Variants in CPNE9 observed in about 807,000 individuals in gnomAD.
CPNE9 encodes copine family member 9, also known as copine-9.
CPNE9 carries 59 observed loss-of-function variants against 83.0 expected under a neutral mutation model. The ratio of observed to expected loss-of-function variants is 0.71; its 90% CI spans 0.58 to 0.88. The LOEUF (loss-of-function observed/expected upper bound fraction) is 0.88, where lower values mean the gene tolerates loss of function less well. Among genes scored for constraint, CPNE9 ranks in the 40% least tolerant of loss-of-function variants. CPNE9 has a pLI of 0.00. For synonymous variants in CPNE9, 256 were observed against 273.4 expected (o/e 0.94, Z 0.63); for missense variants, 619 against 720.8 (o/e 0.86, Z 1.62).
intron 10 of CPNE9, among the ~76,000 whole-genome samples, chr3:9,713,915 CA>C (rs909858506): frequency 2.0e-5 from 3 of 151,286 alleles, no homozygotes; most frequent in African/African-American, 7.3e-5. Flanking sequence ...ACTAAAAATA[CA>C]AAAAAAATTA....
chr3:9,722,166 C>CCG (rs1462596591), intron 17 of CPNE9, among the ~76,000 whole-genome samples: 5 of 151,740 alleles, frequency 3.3e-5, no homozygotes, highest in Non-Finnish European at 5.9e-5. Context: ...ATCCACCCCC[C>CCG]CCCGCCACCC....
chr3:9,708,689 GT>G (rs1181001209), intron 7 of CPNE9, among the ~76,000 whole-genome samples: 6 of 150,448 alleles, frequency 4.0e-5, no homozygotes, highest in Non-Finnish European at 8.8e-5. Flanking sequence ...CTGGAGTGCA[GT>G]GGGGAGATCT....
At chr3:9,722,114 G>C (rs1433685149) in intron 17 of CPNE9, among the ~76,000 whole-genome samples, 2 of 150,962 alleles carry the variant, frequency 1.3e-5, no homozygotes, top group African/African-American at 2.4e-5. Flanking sequence ...ACGGAATTTC[G>C]CCATGTTGGC....
rs201005471 is a variant in CPNE9 at position 9,715,307 on chromosome 3, G to A, written c.711G>A (p.Glu237=). 1.9e-6 allele frequency: 3 copies of A among 1,614,190 alleles called. No individual in the cohort carries two copies. Among genetic ancestry groups the A allele is most frequent in the East Asian group, 2.2e-5 (1 of 44,894 alleles). Residue 237 remains glutamate (E), a synonymous_variant, in exon 12 of 21, where the codon GAG becomes GAA. Transcript: ENST00000383832. ...DRDGSHDFIG[E]FTTSYRELSK... is the part of the protein sequence containing the mutation. ...ATTGCAGCCACGATTTCATTGGTGA[G>A]TTCACCACCAGCTACCGGGAGCTGA...
chr3:9,728,560 T>C (rs1410483410), intron 20 of CPNE9, among the ~76,000 whole-genome samples: 1 of 151,910 alleles, frequency 6.6e-6, no homozygotes, highest in East Asian at 1.9e-4. Context: ...GAGGCAGAGA[T>C]TGCAGTGAGC....
intron 16 of CPNE9, 22 bp from the exon 17 acceptor site, chr3:9,718,453 G>T (rs775578553): frequency 6.2e-7 from 1 of 1,607,424 alleles, no homozygotes; most frequent in East Asian, 2.2e-5. Context: ...GGCTCAGCCT[G>T]GCAGGGCATA....
chr3:9,728,509 G>A (rs1434907399), intron 20 of CPNE9, among the ~76,000 whole-genome samples: 1 of 152,104 alleles, frequency 6.6e-6, no homozygotes, highest in East Asian at 1.9e-4. Flanking sequence ...TGTAATCCCA[G>A]CTACTTGGGA....
chr3:9,722,164 C>CA (rs879324311), intron 17 of CPNE9, among the ~76,000 whole-genome samples: 6 of 151,222 alleles, frequency 4.0e-5, no homozygotes, highest in African/African-American at 1.2e-4. Flanking sequence ...TGATCCACCC[C>CA]CCCCCGCCAC....
In CPNE9 at chr3:9,716,015, T is replaced by C. The variant is rs1449954344; in HGVS notation, c.864T>C (p.Phe288=). 1.2e-6 allele frequency: 2 copies of C among 1,610,984 alleles called. No homozygotes were observed. The highest frequency in any genetic ancestry group is 2.2e-5 in the East Asian group (1 of 44,880). Reference sequence around the variant, plus strand: ...TCTCTGTGGACTCTGAATTCACTTTTGTTGATTACATCAAGGGAGGGTGAG... The same window carrying C: ...TCTCTGTGGACTCTGAATTCACTTTCGTTGATTACATCAAGGGAGGGTGAG... The part of the protein sequence containing the change: ...LSFSVDSEFT[F]VDYIKGGTQL... The change falls in exon 14 of 21, where the codon TTT becomes TTC. Residue 288 remains phenylalanine, a synonymous_variant. Coordinates refer to ENST00000383832, the MANE Select transcript of CPNE9 (RefSeq NM_153635.3).
intron 17 of CPNE9, among the ~76,000 whole-genome samples, chr3:9,725,165 T>C (rs2125475581): frequency 6.6e-6 from 1 of 152,282 alleles, no homozygotes; most frequent in South Asian, 2.1e-4. Context: ...TCTGCCTCAC[T>C]CCAGAGGGCT....
chr3:9,721,923 GT>G (rs570054741), intron 17 of CPNE9, among the ~76,000 whole-genome samples: 83 of 144,562 alleles, frequency 5.7e-4, no homozygotes, highest in Non-Finnish European at 5.0e-4. Flanking sequence ...TTTGTTTTTA[GT>G]TTTTTTTTTT....
intron 17 of CPNE9, among the ~76,000 whole-genome samples, chr3:9,723,257 A>G (rs1378808036): frequency 6.6e-6 from 1 of 152,130 alleles, no homozygotes; most frequent in Non-Finnish European, 1.5e-5. Flanking sequence ...GGATCACTTG[A>G]GGTCAGGAGT....
chr3:9,727,579 G>A, intron 20 of CPNE9: 3 of 602,152 alleles, frequency 5.0e-6, no homozygotes, highest in Non-Finnish European at 8.9e-6. Flanking sequence ...CTAAGGGAGG[G>A]GATAAGCATT....
intron 17 of CPNE9, among the ~76,000 whole-genome samples, chr3:9,721,310 C>G (rs1446321100): frequency 6.6e-6 from 1 of 152,234 alleles, no homozygotes; most frequent in East Asian, 1.9e-4. Context: ...GGGGGCATAG[C>G]TGAAAGCAGT....
intron 16 of CPNE9, 124 bp from the exon 17 acceptor site, chr3:9,718,351 C>A (rs1318543436): frequency 2.8e-6 from 4 of 1,415,790 alleles, no homozygotes; most frequent in Admixed American, 2.0e-5. Flanking sequence ...GGGAGGGGAG[C>A]AGGGCTGGGT....
chr3:9,707,092 A>G (rs926770358), intron 7 of CPNE9, among the ~76,000 whole-genome samples: 4 of 152,042 alleles, frequency 2.6e-5, no homozygotes, highest in Non-Finnish European at 4.4e-5. Context: ...GGTGGCTCAC[A>G]CCTGTAATCC....
In CPNE9 at chr3:9,717,662, A is replaced by T. The variant is rs376690088; in HGVS notation, c.932-367A>T. On this transcript the variant is annotated intron_variant, in intron 15 of 20. Coordinates refer to ENST00000383832, the MANE Select transcript of CPNE9 (RefSeq NM_153635.3). ...GAAAATGAAGAAAAATGGCAAGTAG[A>T]CAAGTGGGTGGATGGATGGATGGAT... Among the ~76,000 whole-genome samples the T allele has an allele frequency of 2.8e-4, 42 of 148,892 alleles. 1 individual carries two copies. The highest frequency in any genetic ancestry group is 1.0e-3 in the African/African-American group (42 of 40,058).
intron 20 of CPNE9, among the ~76,000 whole-genome samples, chr3:9,727,641 C>T (rs1441445741): frequency 6.6e-6 from 1 of 152,080 alleles, no homozygotes; most frequent in Non-Finnish European, 1.5e-5. Flanking sequence ...AAGAACTGGC[C>T]CGATCCACGA....
At chr3:9,711,908 C>T (rs1034712749) in intron 7 of CPNE9, among the ~76,000 whole-genome samples, 10 of 152,154 alleles carry the variant, frequency 6.6e-5, no homozygotes, top group Admixed American at 1.3e-4. Flanking sequence ...CCCTTTTGTC[C>T]CTGGGTCTGG....
Sources: gnomAD v4.1 joint callset for allele counts (sites outside exome capture counted in the v4.1 genomes callset) on GRCh38, gnomAD v4.1.1 for gene constraint, MANE v1.5 for transcripts, NCBI Gene and HGNC (gene_info 2026-07-23, HGNC 2026-07-21) for gene names.